MROH9: variants seen among roughly 807,000 people sequenced by gnomAD.
The protein encoded by MROH9 is maestro heat like repeat family member 9, also known as maestro heat-like repeat-containing protein family member 9.
Under a neutral mutation model 98.2 loss-of-function variants are expected in MROH9, and 92 were observed. The ratio of observed to expected loss-of-function variants is 0.94; its 90% CI spans 0.79 to 1.11. The LOEUF (loss-of-function observed/expected upper bound fraction) is 1.11, where lower values mean the gene tolerates loss of function less well. Among genes scored for constraint, MROH9 ranks in the 50% most tolerant of loss-of-function variants. MROH9 has a pLI of 0.00. For missense variants in MROH9, 1,057 were observed against 1,014.8 expected, an observed-to-expected ratio of 1.04 and a Z score of -0.57; for synonymous variants, 397 against 368.9, an observed-to-expected ratio of 1.08 and a Z score of -0.87.
At position 170,961,910 on chromosome 1, in the gene MROH9, A is replaced by C. The variant is rs2101893152; in HGVS notation, c.309A>C (p.Leu103Phe). The C allele has an allele frequency of 6.6e-7, 1 of 1,508,216 alleles. No homozygotes were observed. The highest frequency in any genetic ancestry group is 2.5e-5 in the East Asian group (1 of 40,568). The allele number at this position is 1,508,216 out of a possible 1,614,324, so 93.4% of individuals were successfully genotyped here. A position where few individuals can be genotyped will look rare whatever the true frequency, so the allele number is the denominator to read the frequency against. ...TTCAGAATTTATACCACAATATTTT[A>C]AATATATATGAGAACATTCTTACGA... ...EDMENLYHNI[L>F]NIYENILTSL... Residue 103 changes from leucine (L) to phenylalanine (F), a missense_variant, in exon 6 of 22, where the codon TTA (leucine) becomes TTC (phenylalanine). Coordinates refer to ENST00000367759, the MANE Select transcript of MROH9 (RefSeq NM_001163629.2).
chr1:170,972,833 C>CACACAT lies in MROH9; in HGVS notation c.616+955_616+956insTACACA, dbSNP rs1213135048. Among the ~76,000 whole-genome samples, 29 of 119,914 alleles carry CACACAT rather than the reference C, an allele frequency of 2.4e-4. No homozygotes were observed. The South Asian group carries it at 2.6e-3, about 11-fold the overall frequency. 78.7% of individuals were successfully genotyped at this position (119,914 alleles called of 152,430 possible). A position where few individuals can be genotyped will look rare whatever the true frequency, so the allele number is the denominator to read the frequency against. The stretch of plus-strand genomic sequence containing the variant: ...CCTCAAAAAAAAAAAAAAAAATACA[C>CACACAT]ACACACACACACACACACACACACA... On this transcript the variant is annotated intron_variant, in intron 8 of 21. Coordinates refer to ENST00000367759, the MANE Select transcript of MROH9 (RefSeq NM_001163629.2).
intron 20 of MROH9, among the ~76,000 whole-genome samples, chr1:171,040,017 A>G (rs1198923691): frequency 6.6e-6 from 1 of 152,136 alleles, no homozygotes; most frequent in Non-Finnish European, 1.5e-5. Context: ...CCTTTGAGAC[A>G]ACATAGATGG....
chr1:170,993,041 G>A (rs1014389694), intron 12 of MROH9, among the ~76,000 whole-genome samples: 2 of 151,490 alleles, frequency 1.3e-5, no homozygotes, highest in African/African-American at 2.4e-5. Context: ...GTATTTCTAC[G>A]ATGCCAATTA....
chr1:170,965,035 GT>G (rs1357249779), intron 6 of MROH9, 115 bp from the exon 7 acceptor site: 2 of 630,044 alleles, frequency 3.2e-6, no homozygotes, highest in African/African-American at 3.7e-5. Flanking sequence ...TAGGTTAAGT[GT>G]GAAATAACCA....
At chr1:171,057,885 A>G (rs1052571061) in intron 20 of MROH9, among the ~76,000 whole-genome samples, 1 of 152,230 alleles carries the variant, frequency 6.6e-6, no homozygotes, top group Non-Finnish European at 1.5e-5. Flanking sequence ...TAAGTGAAGA[A>G]GAAATAAAAT....
At chr1:170,967,349 C>G (rs1650274712) in intron 7 of MROH9, among the ~76,000 whole-genome samples, 1 of 152,166 alleles carries the variant, frequency 6.6e-6, no homozygotes. Context: ...AGTTCGCTTT[C>G]TCTTTAAAAT....
In MROH9 at chr1:171,016,294, G is replaced by A. The variant is rs770405652; in HGVS notation, c.1866G>A (p.Leu622=). The A allele has an allele frequency of 6.5e-7, 1 of 1,536,296 alleles. No homozygotes were observed. The highest frequency in any genetic ancestry group is 1.2e-5 in the South Asian group (1 of 81,124). ...LNELDKVTYS[L]GTRIGSSYCT... ...AACTGGACAAAGTGACCTACTCTTT[G>A]GGTACCAGAATTGGTTCCAGCTACT... Residue 622 remains leucine, a synonymous_variant, in exon 17 of 22, where the codon TTG becomes TTA. Coordinates refer to ENST00000367759, the MANE Select transcript of MROH9 (RefSeq NM_001163629.2).
intron 20 of MROH9, among the ~76,000 whole-genome samples, chr1:171,061,665 G>C (rs1238082743): frequency 6.6e-6 from 1 of 152,174 alleles, no homozygotes; most frequent in East Asian, 1.9e-4. Context: ...GTGAATGGCT[G>C]TATCTCAAGA....
In MROH9 at chr1:170,948,546, T is replaced by C. The variant is rs1252363943; in HGVS notation, c.72+973T>C. On this transcript the variant is annotated intron_variant, in intron 3 of 21. Coordinates refer to ENST00000367759, the MANE Select transcript of MROH9 (RefSeq NM_001163629.2). ...ATCACTCATTCATTTATTCAACAAA[T>C]ATTTATTGAGAATCTACTATGCATT... Among the ~76,000 whole-genome samples, 8 of 152,106 alleles carry C rather than the reference T, an allele frequency of 5.3e-5. No individual in the cohort carries two copies. In the South Asian group the frequency reaches 6.2e-4, roughly 12 times the overall value.
intron 7 of MROH9, among the ~76,000 whole-genome samples, chr1:170,966,959 C>T (rs1373791262): frequency 6.6e-6 from 1 of 152,146 alleles, no homozygotes; most frequent in Non-Finnish European, 1.5e-5. Context: ...AGCCTAGTCA[C>T]ATGTTTCTCT....
At chr1:170,986,476 G>A in intron 9 of MROH9, 85 bp from the exon 10 acceptor site, 1 of 1,452,976 alleles carries the variant, frequency 6.9e-7, no homozygotes, top group Middle Eastern at 1.9e-4. Flanking sequence ...CTTGGCTCTT[G>A]AGCATCCCCC....
chr1:170,984,239 G>A (rs1027739016), intron 9 of MROH9, among the ~76,000 whole-genome samples: 6 of 152,182 alleles, frequency 3.9e-5, no homozygotes, highest in Non-Finnish European at 1.5e-5. Context: ...ATCTCTTGGG[G>A]TGGGAGGATC....
At chr1:170,952,257 C>A (rs1462281839) in intron 3 of MROH9, among the ~76,000 whole-genome samples, 1 of 151,872 alleles carries the variant, frequency 6.6e-6, no homozygotes, top group Non-Finnish European at 1.5e-5. Flanking sequence ...TGGATGTATA[C>A]CCAAAGGATT....
chr1:170,974,236 G>C (rs1650594722), intron 8 of MROH9, among the ~76,000 whole-genome samples: 2 of 151,784 alleles, frequency 1.3e-5, no homozygotes, highest in East Asian at 3.9e-4. Flanking sequence ...GAGAAAGTGA[G>C]GACAGAAAAA....
At chr1:170,959,798 G>C (rs992229827) in intron 5 of MROH9, among the ~76,000 whole-genome samples, 2 of 152,184 alleles carry the variant, frequency 1.3e-5, no homozygotes, top group African/African-American at 4.8e-5. Flanking sequence ...TATAGGATTT[G>C]TAGGAGCAAA....
chr1:171,003,359 C>T (rs1002945429), intron 15 of MROH9, among the ~76,000 whole-genome samples: 1 of 152,130 alleles, frequency 6.6e-6, no homozygotes, highest in Admixed American at 6.5e-5. Context: ...GGTTCCTTCT[C>T]ATTTGGGTAG....
chr1:170,950,616 A>C (rs1649512955), intron 3 of MROH9, among the ~76,000 whole-genome samples: 1 of 152,130 alleles, frequency 6.6e-6, no homozygotes, highest in Admixed American at 6.6e-5. Context: ...GAGCTAGAGA[A>C]GGGGAAGACT....
intron 1 of MROH9, among the ~76,000 whole-genome samples, chr1:170,938,884 C>T (rs771494479): frequency 6.6e-5 from 10 of 152,212 alleles, no homozygotes; most frequent in South Asian, 4.1e-4. Flanking sequence ...ATTGGCCACT[C>T]GGTAGTGGCC....
intron 20 of MROH9, among the ~76,000 whole-genome samples, chr1:171,036,663 G>A (rs904158579): frequency 6.6e-6 from 1 of 151,364 alleles, no homozygotes; most frequent in Non-Finnish European, 1.5e-5. Context: ...AAGTAGAATG[G>A]ATAAATAATT....
Sources: gnomAD v4.1 joint callset for allele counts (sites outside exome capture counted in the v4.1 genomes callset) on GRCh38, gnomAD v4.1.1 for gene constraint, MANE v1.5 for transcripts, NCBI Gene and HGNC (gene_info 2026-07-23, HGNC 2026-07-21) for gene names.